The following DNAH9 variants were observed in gnomAD, a reference collection of about 807,000 sequenced individuals.
DNAH9 encodes the protein dynein axonemal heavy chain 9.
A neutral mutation model predicts 471.6 loss-of-function variants in DNAH9; 345 were observed. The ratio of observed to expected loss-of-function variants is 0.73; its 90% CI spans 0.67 to 0.80. The LOEUF is 0.80. Ranked by LOEUF, DNAH9 falls within the 30% of genes least tolerant of loss-of-function variation. The pLI is 0.00. For synonymous variants in DNAH9, 2,093 were observed against 2,123.6 expected, an observed-to-expected ratio of 0.99 and a Z score of 0.40; for missense variants, 5,407 against 5,609.2, an observed-to-expected ratio of 0.96 and a Z score of 1.15.
chr17:11,861,957 C>T (rs1444682208), intron 50 of DNAH9, among the ~76,000 whole-genome samples: 1 of 151,572 alleles, frequency 6.6e-6, no homozygotes, highest in East Asian at 1.9e-4. Context: ...AAAATTTTCT[C>T]CCATTTTGTG....
intron 17 of DNAH9, among the ~76,000 whole-genome samples, chr17:11,677,327 A>AT (rs1185261905): frequency 6.6e-6 from 1 of 152,140 alleles, no homozygotes; most frequent in Non-Finnish European, 1.5e-5. Context: ...AGGTTATGTT[A>AT]TAGGCATACA....
At chr17:11,933,842 CTT>C (rs780121184) in intron 64 of DNAH9, 36 bp from the exon 65 acceptor site, 35 of 1,583,180 alleles carry the variant, frequency 2.2e-5, no homozygotes, top group Non-Finnish European at 2.8e-5. Flanking sequence ...GTGTGGAGGT[CTT>C]TCTTCCTTCC....
chr17:11,880,197 G>T lies in DNAH9; in HGVS notation c.10598G>T (p.Gly3533Val). ...PLLGREVIKK[G>V]RFIKIGDKEC... is the part of the protein sequence containing the mutation. ...CTTGGGAGAGAAGTCATTAAAAAAG[G>T]ACGGTAAGACTCAGCTGTGTTGCTG... The change falls in exon 54 of 69, where the codon GGA (glycine) becomes GTA (valine). Residue 3533 changes from glycine (G) to valine (V), a missense_variant. Gly to Val is a moderately radical substitution (Grantham distance 109). This residue lies in a region of DNAH9 where 4,636 missense variants were observed against 4,900.3 expected (regional missense o/e 0.95). Coordinates refer to ENST00000262442, the MANE Select transcript of DNAH9 (RefSeq NM_001372.4). 6.2e-7 allele frequency: 1 copy of T among 1,613,218 alleles called. No homozygotes were observed. Among genetic ancestry groups the T allele is most frequent in the Non-Finnish European group, 8.5e-7 (1 of 1,179,652 alleles).
chr17:11,694,980 C>T (rs1163462320), intron 22 of DNAH9, among the ~76,000 whole-genome samples: 1 of 150,394 alleles, frequency 6.6e-6, no homozygotes, highest in Non-Finnish European at 1.5e-5. Context: ...CCTCCGCCTC[C>T]TGGGTTCAAG....
At chr17:11,777,597 G>C (rs1179172537) in intron 38 of DNAH9, among the ~76,000 whole-genome samples, 3 of 152,168 alleles carry the variant, frequency 2.0e-5, no homozygotes, top group African/African-American at 7.2e-5. Flanking sequence ...GAATTCTCTT[G>C]CCATTTGCAT....
At chr17:11,735,259 A>G (rs9911482) in intron 28 of DNAH9, among the ~76,000 whole-genome samples, 9,946 of 152,058 alleles carry the variant, frequency 0.065, 1,088 homozygotes, top group African/African-American at 0.23. Flanking sequence ...TTGAGCAGCA[A>G]CCCTGGCCTC....
Position 11,929,875 on chromosome 17 carries a change from C to T in DNAH9, c.11887C>T (p.Leu3963=), listed in dbSNP as rs1016417158. ...GHWVILQNIH[L]VAKWLSTLEK... is the part of the protein sequence containing the mutation. ...CCTTCCTTCCCACTAGAACATTCACCTGGTGGCCAAGTGGCTCAGCACCCT... is the reference window on the plus strand; with the variant it reads ...CCTTCCTTCCCACTAGAACATTCACTTGGTGGCCAAGTGGCTCAGCACCCT... Residue 3963 remains leucine, a synonymous_variant, in exon 63 of 69, where the codon CTG becomes TTG. Transcript: ENST00000262442. 3 of 1,613,308 alleles carry T rather than the reference C, an allele frequency of 1.9e-6. No individual in the cohort carries two copies. The highest frequency in any genetic ancestry group is 2.5e-6 in the Non-Finnish European group (3 of 1,179,722).
intron 55 of DNAH9, 35 bp downstream of exon 55, chr17:11,881,448 G>A: frequency 6.3e-7 from 1 of 1,594,040 alleles, no homozygotes; most frequent in Non-Finnish European, 8.6e-7. Context: ...TCTGCCACTA[G>A]AGCCTGCAGT....
intron 26 of DNAH9, among the ~76,000 whole-genome samples, chr17:11,712,110 A>AT (rs2074873257): frequency 1.7e-5 from 2 of 117,238 alleles, no homozygotes; most frequent in East Asian, 2.2e-4. Flanking sequence ...ATATAAATAT[A>AT]TATATTTATA....
chr17:11,674,753 C>A (rs1734312285), intron 17 of DNAH9, among the ~76,000 whole-genome samples: 1 of 148,394 alleles, frequency 6.7e-6, no homozygotes, highest in South Asian at 2.1e-4. Context: ...TAAATAAATC[C>A]ATTTTTTGCC....
At chr17:11,852,887 T>G (rs1971480986) in intron 49 of DNAH9, among the ~76,000 whole-genome samples, 1 of 121,722 alleles carries the variant, frequency 8.2e-6, no homozygotes, top group African/African-American at 3.0e-5. Flanking sequence ...TAAAAGAAAG[T>G]AGGATGTGTA....
chr17:11,905,869 G>A, intron 61 of DNAH9, 60 bp downstream of exon 61: 2 of 1,518,358 alleles, frequency 1.3e-6, no homozygotes, highest in Non-Finnish European at 1.8e-6. Context: ...TTCATTCTTG[G>A]GGTCTATTGA....
chr17:11,927,616 C>G (rs1313272973), intron 62 of DNAH9, among the ~76,000 whole-genome samples: 1 of 152,160 alleles, frequency 6.6e-6, no homozygotes, highest in African/African-American at 2.4e-5. Context: ...CTTTTAACAT[C>G]CCATGGCACA....
At chr17:11,853,961 G>T in intron 49 of DNAH9, 42 bp from the exon 50 acceptor site, 3 of 1,584,092 alleles carry the variant, frequency 1.9e-6, no homozygotes, top group South Asian at 1.1e-5. Context: ...GACAAAGAAA[G>T]CCCATTCATG....
intron 33 of DNAH9, among the ~76,000 whole-genome samples, chr17:11,754,950 T>C (rs1471944116): frequency 6.6e-6 from 1 of 152,216 alleles, no homozygotes; most frequent in African/African-American, 2.4e-5. Flanking sequence ...CCAGGGCTTT[T>C]ATAGTTTTGG....
At position 11,689,104 on chromosome 17, in the gene DNAH9, A is replaced by AG. The variant is rs1422311091; in HGVS notation, c.3744-462_3744-461insG. On this transcript the variant is annotated intron_variant, in intron 19 of 68. Coordinates refer to ENST00000262442, the MANE Select transcript of DNAH9 (RefSeq NM_001372.4). ...AGCGAGACTCTGTCTCAAAAAAAAA[A>AG]TAAAAATAAAAAATAAATTTAAGAA... is the stretch of plus-strand genomic sequence containing the variant. 2.0e-5 allele frequency among the ~76,000 whole-genome samples: 3 copies of AG among 151,682 alleles called. No homozygotes were observed. The East Asian group carries it at 5.8e-4, about 29-fold the overall frequency.
intron 41 of DNAH9, among the ~76,000 whole-genome samples, chr17:11,785,125 C>A (rs1395764663): frequency 6.6e-6 from 1 of 152,044 alleles, no homozygotes; most frequent in African/African-American, 2.4e-5. Context: ...CCTATTGCTT[C>A]CAATTGCTTG....
At chr17:11,904,412 C>T (rs895709317) in intron 60 of DNAH9, among the ~76,000 whole-genome samples, 4 of 151,868 alleles carry the variant, frequency 2.6e-5, no homozygotes. Context: ...AGGAGGATCA[C>T]GAGGTCAGGA....
At chr17:11,698,457 T>G (rs1276642134) in intron 22 of DNAH9, among the ~76,000 whole-genome samples, 1 of 149,872 alleles carries the variant, frequency 6.7e-6, no homozygotes, top group Non-Finnish European at 1.5e-5. Context: ...TTTTGGGATA[T>G]TTTCATAGGT....
Sources: gnomAD v4.1 joint callset for allele counts (sites outside exome capture counted in the v4.1 genomes callset) on GRCh38, gnomAD v4.1.1 for gene constraint, gnomAD v4.1.1 regional missense constraint, MANE v1.5 for transcripts, NCBI Gene and HGNC (gene_info 2026-07-23, HGNC 2026-07-21) for gene names.